SCYL2: variants seen among roughly 807,000 people sequenced by gnomAD.
The protein encoded by SCYL2 is SCY1 like pseudokinase 2.
Under a neutral mutation model 100.4 loss-of-function variants are expected in SCYL2, and 36 were observed. That is an observed-to-expected ratio of 0.36 (90% confidence interval 0.27 to 0.47). SCYL2 has a LOEUF of 0.47. Among genes scored for constraint, SCYL2 ranks in the 20% least tolerant of loss-of-function variants. The pLI, the probability that SCYL2 is intolerant of heterozygous loss-of-function variation, is 1.00. For missense variants in SCYL2, 902 were observed against 1,083.9 expected, an observed-to-expected ratio of 0.83 and a Z score of 2.36; for synonymous variants, 330 against 359.2, an observed-to-expected ratio of 0.92 and a Z score of 0.92.
chr12:100,294,807 A>C (rs1396510726), intron 3 of SCYL2, among the ~76,000 whole-genome samples: 1 of 128,740 alleles, frequency 7.8e-6, no homozygotes, highest in Admixed American at 7.6e-5. Context: ...TGACCCCCCC[A>C]CCTCCCTCCC....
chr12:100,273,853 A>C (rs74598646), intron 1 of SCYL2, among the ~76,000 whole-genome samples: 3,763 of 152,312 alleles, frequency 0.025, 151 homozygotes, highest in African/African-American at 0.085. Context: ...CGGAGTCCCT[A>C]AAAAGAAGAA....
At chr12:100,294,486 T>A in intron 3 of SCYL2, among the ~76,000 whole-genome samples, 1 of 83,272 alleles carries the variant, frequency 1.2e-5, no homozygotes, top group East Asian at 4.2e-4. Context: ...ACCTCCAGGA[T>A]GGGGCGGCTG....
chr12:100,322,165 G>A (rs1420857454), intron 10 of SCYL2, among the ~76,000 whole-genome samples: 2 of 151,160 alleles, frequency 1.3e-5, no homozygotes, highest in East Asian at 3.9e-4. Context: ...GAGGTCAGGA[G>A]ATCGAGACCA....
chr12:100,332,889 A>AT (rs1248781677), intron 13 of SCYL2, among the ~76,000 whole-genome samples: 2 of 151,196 alleles, frequency 1.3e-5, no homozygotes, highest in Non-Finnish European at 3.0e-5. Context: ...TAATTTTTGT[A>AT]TTTTTTTGTA....
chr12:100,317,909 CT>C lies in SCYL2; in HGVS notation c.1381del (p.Ser461ProfsTer9). ...LPMVYRALEAPSIQIQELCLN... is the reference protein window; with the variant it reads ...LPMVYRALEAXSIQIQELCLN... ...ATGGTTTACAGAGCACTAGAAGCTC[CT>C]TCCATTCAGATCCAGGTACAGTATC... On this transcript the variant is annotated frameshift_variant, in exon 10 of 18. Coordinates refer to ENST00000360820, the MANE Select transcript of SCYL2 (RefSeq NM_017988.6). LOFTEE classifies it high-confidence loss of function. The C allele has an allele frequency of 1.3e-6, 2 of 1,578,438 alleles. No homozygotes were observed. Among genetic ancestry groups the C allele is most frequent in the South Asian group, 1.2e-5 (1 of 83,354 alleles).
chr12:100,328,040 G>A (rs1425308956), intron 12 of SCYL2, among the ~76,000 whole-genome samples: 1 of 152,146 alleles, frequency 6.6e-6, no homozygotes, highest in African/African-American at 2.4e-5. Context: ...CACTTTGGGA[G>A]GCCAAGGTGG....
Position 100,305,716 on chromosome 12 carries a change from G to GTTTTT in SCYL2, c.481-5311_481-5307dup, listed in dbSNP as rs144928837. ...AATAAATCAGTGAATCTAGGAGCTGGTTTTTTTTTTTTTTTTTTTTTAAAG... is the reference window on the plus strand; with the variant it reads ...AATAAATCAGTGAATCTAGGAGCTGGTTTTTTTTTTTTTTTTTTTTTTTTTTAAAG... On this transcript the variant is annotated intron_variant, in intron 4 of 17. Transcript: ENST00000360820. 3.9e-5 allele frequency among the ~76,000 whole-genome samples: 5 copies of GTTTTT among 126,820 alleles called. No individual in the cohort carries two copies. In the South Asian group the frequency reaches 1.1e-3, roughly 27 times the overall value. 83.2% of individuals were successfully genotyped at this position (126,820 alleles called of 152,430 possible). A position where few individuals can be genotyped will look rare whatever the true frequency, so the allele number is the denominator to read the frequency against.
intron 10 of SCYL2, 129 bp downstream of exon 10, chr12:100,318,054 A>T: frequency 1.2e-6 from 1 of 810,086 alleles, no homozygotes; most frequent in Non-Finnish European, 1.8e-6. Flanking sequence ...TATCTTTTGA[A>T]TCACATTATT....
chr12:100,312,314 A>G (rs1245110496), intron 5 of SCYL2, 118 bp from the exon 6 acceptor site: 1 of 750,292 alleles, frequency 1.3e-6, no homozygotes, highest in East Asian at 2.7e-5. Context: ...TTGGGATTGA[A>G]GGCGTGATGG....
chr12:100,326,011 A>G (rs1318287626), intron 11 of SCYL2, among the ~76,000 whole-genome samples: 1 of 152,102 alleles, frequency 6.6e-6, no homozygotes. Flanking sequence ...TTAATACTAT[A>G]GTCCTGACTT....
chr12:100,312,979 G>T (rs2096343990), intron 6 of SCYL2, among the ~76,000 whole-genome samples: 1 of 152,000 alleles, frequency 6.6e-6, no homozygotes, highest in South Asian at 2.1e-4. Flanking sequence ...CAAAAAGTTA[G>T]CTGGGCTTGG....
intron 1 of SCYL2, among the ~76,000 whole-genome samples, chr12:100,271,136 A>G (rs949199379): frequency 6.6e-6 from 1 of 152,028 alleles, no homozygotes; most frequent in Non-Finnish European, 1.5e-5. Context: ...CCAGTTTTTG[A>G]AAACTTTCTT....
At chr12:100,333,736 C>T (rs1303667843) in intron 13 of SCYL2, 1 of 153,068 alleles carries the variant, frequency 6.5e-6, no homozygotes, top group Non-Finnish European at 1.5e-5. Context: ...CCAGATATGT[C>T]ATTGCAATCT....
chr12:100,337,884 G>C (rs1952299734), intron 17 of SCYL2, among the ~76,000 whole-genome samples: 1 of 152,100 alleles, frequency 6.6e-6, no homozygotes, highest in South Asian at 2.1e-4. Context: ...AGTTAGATTT[G>C]TAACTTGATT....
Position 100,326,715 on chromosome 12 carries a change from A to C in SCYL2, c.1603A>C (p.Ile535Leu). 1 of 1,611,738 alleles carries C rather than the reference A, an allele frequency of 6.2e-7. No homozygotes were observed. The highest frequency in any genetic ancestry group is 1.3e-5 in the African/African-American group (1 of 75,006). ...LDDILPFLQQ[I>L]PSKEPAVLMG... ...TGATATCCTACCCTTCTTACAACAA[A>C]TTCCATCCAAGGAACCTGCGGTCCT... The change falls in exon 12 of 18, where the codon ATT (isoleucine) becomes CTT (leucine). Residue 535 changes from isoleucine to leucine, a missense_variant. By Grantham distance (5) the Ile-to-Leu change is conservative. Transcript: ENST00000360820.
intron 1 of SCYL2, among the ~76,000 whole-genome samples, chr12:100,279,269 G>T (rs1323654460): frequency 6.6e-6 from 1 of 152,216 alleles, no homozygotes; most frequent in Non-Finnish European, 1.5e-5. Flanking sequence ...TGCATGTGCA[G>T]TTCACAGTAG....
intron 3 of SCYL2, among the ~76,000 whole-genome samples, chr12:100,297,504 T>C (rs574274197): frequency 2.0e-5 from 3 of 152,344 alleles, no homozygotes; most frequent in African/African-American, 7.2e-5. Flanking sequence ...AAATGACATA[T>C]AAAATAGATC....
chr12:100,298,804 G>A (rs1428039105), intron 4 of SCYL2, among the ~76,000 whole-genome samples: 1 of 152,052 alleles, frequency 6.6e-6, no homozygotes, highest in Non-Finnish European at 1.5e-5. Context: ...GGCTGGTCTC[G>A]AACTCCTGAC....
intron 4 of SCYL2, among the ~76,000 whole-genome samples, chr12:100,305,883 T>A (rs947342191): frequency 6.6e-6 from 1 of 151,964 alleles, no homozygotes; most frequent in Non-Finnish European, 1.5e-5. Flanking sequence ...AATCCTTCTA[T>A]GCAAATAAAC....
Sources: allele counts gnomAD v4.1 joint callset (sites outside exome capture counted in the v4.1 genomes callset), GRCh38; gene constraint gnomAD v4.1.1; transcripts MANE v1.5; gene names NCBI Gene and HGNC (gene_info 2026-07-23, HGNC 2026-07-21).